The following CCDC40 variants were observed in gnomAD, a reference collection of about 807,000 sequenced individuals.
CCDC40 encodes the protein coiled-coil domain-containing protein 40.
CCDC40 carries 104 observed loss-of-function variants against 124.5 expected under a neutral mutation model. That is an observed-to-expected ratio of 0.84 (90% CI 0.71 to 0.98). The LOEUF (loss-of-function observed/expected upper bound fraction) is 0.98. Ranked by LOEUF, CCDC40 falls within the 50% of genes least tolerant of loss-of-function variation. The probability of loss-of-function intolerance (pLI) is 0.00; values close to 1 mark genes in which losing one functional copy is unlikely to be tolerated. For missense variants in CCDC40, 1,463 were observed against 1,503.9 expected, an observed-to-expected ratio of 0.97 and a Z score of 0.45; for synonymous variants, 580 against 602.9, an observed-to-expected ratio of 0.96 and a Z score of 0.56.
Position 80,097,227 on chromosome 17 carries a change from G to A in CCDC40, c.3022-18G>A, listed in dbSNP as rs548821406. On this transcript the variant is annotated intron_variant, in intron 18 of 19. Coordinates refer to ENST00000397545, the MANE Select transcript of CCDC40 (RefSeq NM_017950.4). ...AGCCGGGCTGCAGGGGCCCAGCATG[G>A]TCCTGTGATTCTCCTAGGCCACCGA... 7 of 1,613,796 alleles carry A rather than the reference G, an allele frequency of 4.3e-6. No individual in the cohort carries two copies. In the African/African-American group the frequency reaches 6.7e-5, roughly 15 times the overall value.
chr17:80,037,756 C>A (rs1390620682), intron 1 of CCDC40, among the ~76,000 whole-genome samples: 1 of 142,068 alleles, frequency 7.0e-6, no homozygotes, highest in Non-Finnish European at 1.5e-5. Context: ...AACTCAGAGT[C>A]CCCAGAACAC....
chr17:80,087,705 A>T lies in CCDC40; in HGVS notation c.2548A>T (p.Asn850Tyr). The change falls in exon 15 of 20, where the codon AAC becomes TAC. Residue 850 changes from asparagine to tyrosine, a missense_variant. Coordinates refer to ENST00000397545, the MANE Select transcript of CCDC40 (RefSeq NM_017950.4). This position sits in a 1 kb window ranked among gnomAD's most constrained non-coding sequence, Gnocchi z 4.5. ...LKKLNMLMNK[N>Y]RCSSEELEQN... ...GAAGCTCAACATGTTGATGAATAAA[A>T]ACCGGTGCAGCTCGGAGGAGCTGGA... is the stretch of plus-strand genomic sequence containing the variant. The T allele has an allele frequency of 6.2e-7, 1 of 1,614,076 alleles. No homozygotes were observed. The highest frequency in any genetic ancestry group is 8.5e-7 in the Non-Finnish European group (1 of 1,179,944).
At chr17:80,053,734 A>AG (rs1413156036) in intron 7 of CCDC40, among the ~76,000 whole-genome samples, 1 of 152,178 alleles carries the variant, frequency 6.6e-6, no homozygotes, top group Non-Finnish European at 1.5e-5. Context: ...CTGGGACTAC[A>AG]GGGGCCCGCC....
intron 1 of CCDC40, 115 bp from the exon 2 acceptor site, chr17:80,038,008 G>C: frequency 1.4e-6 from 1 of 710,326 alleles, no homozygotes; most frequent in East Asian, 2.9e-5. Flanking sequence ...CAACAGCCTG[G>C]GGGTGGCAGA....
chr17:80,036,703 C>G lies in CCDC40; in HGVS notation c.29+12C>G. ...GGCGCGGCGGGCCGGTAAGCCGGGC[C>G]GAGGGGCAGCGGGTCTTGGAGTCGC... is the stretch of plus-strand genomic sequence containing the variant. On this transcript the variant is annotated intron_variant, in intron 1 of 19. Coordinates refer to ENST00000397545, the MANE Select transcript of CCDC40 (RefSeq NM_017950.4). The G allele has an allele frequency of 6.8e-7, 1 of 1,462,928 alleles. No homozygotes were observed. The highest frequency in any genetic ancestry group is 9.0e-7 in the Non-Finnish European group (1 of 1,108,348). The allele number at this position is 1,462,928 out of a possible 1,614,324, so 90.6% of individuals were successfully genotyped here.
In CCDC40 at chr17:80,081,619, G is replaced by C; in HGVS notation, c.1636G>C (p.Glu546Gln). 1 of 1,614,164 alleles carries C rather than the reference G, an allele frequency of 6.2e-7. No individual in the cohort carries two copies. The change falls in exon 11 of 20, where the codon GAA becomes CAA. Residue 546 changes from glutamate (E) to glutamine (Q), a missense_variant. Transcript: ENST00000397545. ...TAAGAAATCCATCATGAAGGAGGAA[G>C]AAAAGAACGAGAAGCTGGCGAGCAT... ...AYKKSIMKEE[E>Q]KNEKLASILN...
chr17:80,092,441 G>A (rs905363777), intron 17 of CCDC40, among the ~76,000 whole-genome samples: 3 of 152,072 alleles, frequency 2.0e-5, no homozygotes, highest in South Asian at 2.1e-4. Context: ...TCAGCTCACC[G>A]CATACCCCAG....
chr17:80,067,670 C>A (rs752675269), intron 10 of CCDC40: 2 of 1,535,992 alleles, frequency 1.3e-6, no homozygotes, highest in South Asian at 2.4e-5. Context: ...ATAACCGGAT[C>A]CGCGAATGCT....
At chr17:80,082,870 T>G (rs2038491442) in intron 12 of CCDC40, among the ~76,000 whole-genome samples, 1 of 152,190 alleles carries the variant, frequency 6.6e-6, no homozygotes, top group Non-Finnish European at 1.5e-5. Flanking sequence ...ACCAACACAT[T>G]CGTCTATTAC....
chr17:80,091,819 T>C (rs776167875), intron 17 of CCDC40, among the ~76,000 whole-genome samples: 1 of 152,078 alleles, frequency 6.6e-6, no homozygotes, highest in African/African-American at 2.4e-5. Context: ...GATTACTAGG[T>C]CAAAGGGTGT....
At position 80,086,228 on chromosome 17, in the gene CCDC40, C is replaced by T. The variant is rs570150223; in HGVS notation, c.2449+12C>T. ...ACTACGAGTAGAAAGTAAGAGCCGC[C>T]GTGCCCGGCCCTGCAGTGATGCTGA... On this transcript the variant is annotated intron_variant, in intron 14 of 19. Transcript: ENST00000397545. The surrounding 1 kb of genome is among the most constrained non-coding windows in gnomAD (Gnocchi z 5.5). 5.1e-5 allele frequency: 80 copies of T among 1,576,364 alleles called. 3 individuals are homozygous for T. In the South Asian group the frequency reaches 8.5e-4, roughly 17 times the overall value.
chr17:80,048,596 G>T lies in CCDC40; in HGVS notation c.690G>T (p.Gly230=), dbSNP rs750834095. The T allele has an allele frequency of 6.2e-7, 1 of 1,613,734 alleles. No homozygotes were observed. Among genetic ancestry groups the T allele is most frequent in the Non-Finnish European group, 8.5e-7 (1 of 1,179,910 alleles). Reference sequence around the variant, plus strand: ...CTCTCCCCCCAGTGATCCCCCCAGGGGTGCCCGATGCCCACCCCAGGGAAG... The same window carrying T: ...CTCTCCCCCCAGTGATCCCCCCAGGTGTGCCCGATGCCCACCCCAGGGAAG... ...FVSQEPVIPP[G]VPDAHPREGD... Residue 230 remains glycine (G), a synonymous_variant, in exon 5 of 20, where the codon GGG becomes GGT. Coordinates refer to ENST00000397545, the MANE Select transcript of CCDC40 (RefSeq NM_017950.4).
In CCDC40 at chr17:80,058,837, G is replaced by A; in HGVS notation, c.1318-21G>A. On this transcript the variant is annotated intron_variant, in intron 8 of 19. Transcript: ENST00000397545. This position sits in a 1 kb window ranked among gnomAD's most constrained non-coding sequence, Gnocchi z 4.2. ...GCCACGGGCACCTCCTGACGGGGCT[G>A]CTTCTCATCCTGTTTCCCAGGACCT... 1 of 1,614,074 alleles carries A rather than the reference G, an allele frequency of 6.2e-7. No homozygotes were observed. Among genetic ancestry groups the A allele is most frequent in the Admixed American group, 1.7e-5 (1 of 60,014 alleles).
chr17:80,095,369 A>G lies in CCDC40; in HGVS notation c.2939A>G (p.Lys980Arg). 6.2e-7 allele frequency: 1 copy of G among 1,614,140 alleles called. No homozygotes were observed. Among genetic ancestry groups the G allele is most frequent in the Non-Finnish European group, 8.5e-7 (1 of 1,180,048 alleles). ...TVTTQAEGQR[K>R]MDRKALTRTD... ...ACCACCCAGGCCGAGGGGCAGCGCA[A>G]GATGGACAGGAAGGCGCTCACCCGC... The change falls in exon 18 of 20, where the codon AAG becomes AGG. Residue 980 changes from lysine to arginine, a missense_variant. Coordinates refer to ENST00000397545, the MANE Select transcript of CCDC40 (RefSeq NM_017950.4).
chr17:80,052,275 G>A (rs1227686054), intron 7 of CCDC40, among the ~76,000 whole-genome samples: 1 of 152,172 alleles, frequency 6.6e-6, no homozygotes. Flanking sequence ...AAGGAGAGCC[G>A]GTCTGAGTTC....
At chr17:80,046,998 AC>A (rs1408433485) in intron 3 of CCDC40, among the ~76,000 whole-genome samples, 1 of 152,068 alleles carries the variant, frequency 6.6e-6, no homozygotes, top group Admixed American at 6.5e-5. Flanking sequence ...GGTGCCCGCC[AC>A]CGCACCCAGC....
Position 80,066,363 on chromosome 17 carries a change from TTTC to T in CCDC40, c.1562+758_1562+760del. ...AGCAGTCACACAACCAGGAGATGCT[TTTC>T]CTTTTGGGTGCTGTGATTAAAGAAA... On this transcript the variant is annotated intron_variant, in intron 10 of 19. Coordinates refer to ENST00000397545, the MANE Select transcript of CCDC40 (RefSeq NM_017950.4). This position sits in a 1 kb window ranked among gnomAD's most constrained non-coding sequence, Gnocchi z 4.4. 1 of 577,850 alleles carries T rather than the reference TTTC, an allele frequency of 1.7e-6. No homozygotes were observed. The allele number at this position is 577,850 out of a possible 1,614,324, so 35.8% of individuals were successfully genotyped here.
intron 10 of CCDC40, among the ~76,000 whole-genome samples, chr17:80,079,918 CTG>C (rs1297710483): frequency 6.7e-6 from 1 of 150,226 alleles, no homozygotes; most frequent in Non-Finnish European, 1.5e-5. Flanking sequence ...GAGCGAGACT[CTG>C]TCTCAAAAAA....
chr17:80,080,634 A>G (rs1336076782), intron 10 of CCDC40, among the ~76,000 whole-genome samples: 1 of 152,114 alleles, frequency 6.6e-6, no homozygotes, highest in Non-Finnish European at 1.5e-5. Flanking sequence ...TCCTAGGATT[A>G]TTGTCATGGT....
Sources: allele counts gnomAD v4.1 joint callset (sites outside exome capture counted in the v4.1 genomes callset), GRCh38; gene constraint gnomAD v4.1.1; non-coding constraint Gnocchi (gnomAD v3.1); transcripts MANE v1.5; gene names NCBI Gene and HGNC (gene_info 2026-07-23, HGNC 2026-07-21).